The following LDB2 variants were observed in gnomAD, a reference collection of about 807,000 sequenced individuals.
The protein encoded by LDB2 is LIM domain binding 2, also known as LIM domain-binding protein 2.
In LDB2, 12 loss-of-function variants were observed where a neutral mutation model predicts 44.3. The observed-to-expected ratio is 0.27, with a 90% CI of 0.17 to 0.44. LDB2 has a LOEUF of 0.44. LDB2 is among the 20% of genes least tolerant of loss of function. The pLI is 1.00. For synonymous variants in LDB2, 164 were observed against 174.8 expected (o/e 0.94, Z 0.49); for missense variants, 344 against 473.5 (o/e 0.73, Z 2.54).
chr4:16,514,407 G>T (rs780252596), intron 5 of LDB2, among the ~76,000 whole-genome samples: 8 of 152,124 alleles, frequency 5.3e-5, no homozygotes, highest in Non-Finnish European at 8.8e-5. Flanking sequence ...CAGGGCTTTC[G>T]AACAGATAAT....
At chr4:16,847,175 T>C (rs1447224314) in intron 1 of LDB2, among the ~76,000 whole-genome samples, 5 of 152,228 alleles carry the variant, frequency 3.3e-5, no homozygotes, top group African/African-American at 1.2e-4. Context: ...TAATAACATG[T>C]AGAAAAATAT....
At chr4:16,601,951 A>G (rs979097100) in intron 2 of LDB2, among the ~76,000 whole-genome samples, 10 of 152,174 alleles carry the variant, frequency 6.6e-5, no homozygotes, top group Admixed American at 3.9e-4. Flanking sequence ...GATGGGGGTG[A>G]TACTAGTTCA....
intron 1 of LDB2, among the ~76,000 whole-genome samples, chr4:16,820,984 AGTTT>A (rs1394676488): frequency 6.6e-6 from 1 of 152,068 alleles, no homozygotes; most frequent in Non-Finnish European, 1.5e-5. Flanking sequence ...AAATGTTTAC[AGTTT>A]TTTTTAACTT....
intron 2 of LDB2, among the ~76,000 whole-genome samples, chr4:16,677,781 T>A (rs144479595): frequency 6.6e-6 from 1 of 152,356 alleles, no homozygotes; most frequent in Non-Finnish European, 1.5e-5. Context: ...AAACTGAAAC[T>A]GTTCAGCCAA....
intron 2 of LDB2, among the ~76,000 whole-genome samples, chr4:16,628,017 C>T (rs897080367): frequency 1.3e-5 from 2 of 152,144 alleles, no homozygotes; most frequent in African/African-American, 2.4e-5. Context: ...TAAAGAAATC[C>T]ACTCTGATTC....
chr4:16,872,595 C>CA (rs1011517716), intron 1 of LDB2, among the ~76,000 whole-genome samples: 1 of 150,870 alleles, frequency 6.6e-6, no homozygotes. Flanking sequence ...TACTTAACAA[C>CA]AAAAAAAAAG....
At chr4:16,803,241 A>T (rs1778188155) in intron 1 of LDB2, among the ~76,000 whole-genome samples, 1 of 152,094 alleles carries the variant, frequency 6.6e-6, no homozygotes, top group Non-Finnish European at 1.5e-5. Context: ...TTTTCAGTTT[A>T]AAAGTCTTTA....
rs16893777 is a variant in LDB2, at chr4:16,683,787, T to C, written c.235+75371A>G. On this transcript the variant is annotated intron_variant, in intron 2 of 7. Transcript: ENST00000304523. ...ACAACAGAAATTTGTTTCTTGTTCA[T>C]CTACTTTCTGACGGGGAGGTTCAAT... 4.1e-3 allele frequency among the ~76,000 whole-genome samples: 628 copies of C among 152,310 alleles called. 5 individuals are homozygous for C. The highest frequency in any genetic ancestry group is 0.033 in the East Asian group (170 of 5,182).
intron 1 of LDB2, among the ~76,000 whole-genome samples, chr4:16,871,947 A>C (rs1272745159): frequency 6.6e-6 from 1 of 152,128 alleles, no homozygotes; most frequent in Non-Finnish European, 1.5e-5. Context: ...CTTATTCATC[A>C]ATGAAAATTA....
chr4:16,778,344 T>C (rs957795776), intron 1 of LDB2, among the ~76,000 whole-genome samples: 1 of 152,176 alleles, frequency 6.6e-6, no homozygotes, highest in African/African-American at 2.4e-5. Flanking sequence ...AGCTATATCA[T>C]GTCTACGAAA....
At chr4:16,869,111 A>C (rs578154511) in intron 1 of LDB2, among the ~76,000 whole-genome samples, 1 of 152,272 alleles carries the variant, frequency 6.6e-6, no homozygotes, top group Non-Finnish European at 1.5e-5. Flanking sequence ...ATTCTCAACA[A>C]TGCTATGAGG....
chr4:16,568,146 C>T (rs1288419920), intron 5 of LDB2, among the ~76,000 whole-genome samples: 1 of 152,062 alleles, frequency 6.6e-6, no homozygotes, highest in Non-Finnish European at 1.5e-5. Context: ...TTATTTTTGT[C>T]TGTGTAAATT....
intron 2 of LDB2, among the ~76,000 whole-genome samples, chr4:16,709,949 G>A (rs1303774300): frequency 6.6e-6 from 1 of 152,116 alleles, no homozygotes; most frequent in Non-Finnish European, 1.5e-5. Flanking sequence ...ATCTATACAA[G>A]CATATTAAGG....
chr4:16,786,586 T>C (rs931470611), intron 1 of LDB2, among the ~76,000 whole-genome samples: 3 of 152,028 alleles, frequency 2.0e-5, no homozygotes, highest in African/African-American at 7.2e-5. Context: ...TACACACACA[T>C]AAACACATAT....
intron 5 of LDB2, among the ~76,000 whole-genome samples, chr4:16,520,341 A>T (rs976615358): frequency 2.0e-5 from 3 of 152,132 alleles, no homozygotes; most frequent in African/African-American, 7.2e-5. Flanking sequence ...TAAGAAGCAG[A>T]TAAGAATGAA....
chr4:16,525,206 C>A (rs952734861), intron 5 of LDB2, among the ~76,000 whole-genome samples: 18 of 152,128 alleles, frequency 1.2e-4, no homozygotes, highest in African/African-American at 4.3e-4. Context: ...CCTAAGGCTG[C>A]TGTTTGGGAG....
At chr4:16,627,168 C>A (rs1730501593) in intron 2 of LDB2, among the ~76,000 whole-genome samples, 1 of 152,120 alleles carries the variant, frequency 6.6e-6, no homozygotes, top group Non-Finnish European at 1.5e-5. Flanking sequence ...GTGACGAAAC[C>A]ATTATTCCCT....
At chr4:16,779,514 G>A (rs1327693689) in intron 1 of LDB2, among the ~76,000 whole-genome samples, 1 of 152,166 alleles carries the variant, frequency 6.6e-6, no homozygotes, top group East Asian at 1.9e-4. Flanking sequence ...GAGAAGACCT[G>A]AAACATACAA....
chr4:16,718,854 A>G (rs573162058), intron 2 of LDB2, among the ~76,000 whole-genome samples: 182 of 152,276 alleles, frequency 1.2e-3, no homozygotes, highest in African/African-American at 4.1e-3. Flanking sequence ...TGCTGCAGTA[A>G]TAAATGACAA....
Sources: allele counts gnomAD v4.1 joint callset (sites outside exome capture counted in the v4.1 genomes callset), GRCh38; gene constraint gnomAD v4.1.1; transcripts MANE v1.5; gene names NCBI Gene and HGNC (gene_info 2026-07-23, HGNC 2026-07-21).